The following EIF4G3 variants were observed in gnomAD, a reference collection of about 807,000 sequenced individuals.
The protein encoded by EIF4G3 is eukaryotic translation initiation factor 4 gamma 3, also known as eIF-4-gamma 3.
Under a neutral mutation model 186.4 loss-of-function variants are expected in EIF4G3, and 34 were observed. The observed-to-expected ratio is 0.18, with a 90% CI of 0.14 to 0.24. The LOEUF is 0.24. EIF4G3 is among the 10% of genes least tolerant of loss of function. The probability of loss-of-function intolerance (pLI) is 1.00; values close to 1 mark genes in which losing one functional copy is unlikely to be tolerated. For missense variants in EIF4G3, 1,536 were observed against 1,948.5 expected (o/e 0.79, Z 3.99); for synonymous variants, 673 against 679.5 (o/e 0.99, Z 0.15).
rs375448493 is a variant in EIF4G3 at position 21,042,113 on chromosome 1, A to G, written c.-67+8753T>C. Among the ~76,000 whole-genome samples the G allele has an allele frequency of 2.6e-5, 4 of 152,160 alleles. No individual in the cohort carries two copies. In the East Asian group the frequency reaches 5.8e-4, roughly 22 times the overall value. ...GGGATGCTCCCACTTTAGCCTCCCA[A>G]TCAGGTGAGACGAGAGGCCCACGCC... On this transcript the variant is annotated intron_variant, in intron 4 of 36. Transcript: ENST00000602326.
intron 9 of EIF4G3, 109 bp downstream of exon 9, chr1:20,980,939 A>T: frequency 1.2e-6 from 1 of 849,870 alleles, no homozygotes; most frequent in Non-Finnish European, 1.7e-6. Flanking sequence ...AACAGTTCAC[A>T]CGTCACCGAA....
intron 3 of EIF4G3, among the ~76,000 whole-genome samples, chr1:21,053,274 C>T (rs1409776343): frequency 1.3e-5 from 2 of 151,310 alleles, no homozygotes; most frequent in Non-Finnish European, 3.0e-5. Flanking sequence ...GCAACCGCCC[C>T]GTCTGAGAAG....
intron 2 of EIF4G3, among the ~76,000 whole-genome samples, chr1:21,162,481 TCA>T (rs1419714922): frequency 6.8e-6 from 1 of 147,078 alleles, no homozygotes; most frequent in Non-Finnish European, 1.5e-5. Flanking sequence ...ACACAGTGGC[TCA>T]CACCTGTAAT....
At chr1:21,055,627 AAAATTATTT>A (rs776347241) in intron 3 of EIF4G3, among the ~76,000 whole-genome samples, 3 of 152,110 alleles carry the variant, frequency 2.0e-5, no homozygotes, top group Admixed American at 6.6e-5. Flanking sequence ...CCATCACCCC[AAAATTATTT>A]CACTTTAGAG....
intron 36 of EIF4G3, among the ~76,000 whole-genome samples, chr1:20,808,074 G>A (rs985915869): frequency 2.6e-5 from 4 of 151,764 alleles, no homozygotes; most frequent in Non-Finnish European, 5.9e-5. Flanking sequence ...AGTAGAGAAG[G>A]GATTTCACCA....
At chr1:21,060,125 A>AT (rs1254582982) in intron 3 of EIF4G3, among the ~76,000 whole-genome samples, 1 of 151,524 alleles carries the variant, frequency 6.6e-6, no homozygotes, top group African/African-American at 2.4e-5. Context: ...CTAATTTTTT[A>AT]TTTTTTGTAG....
intron 3 of EIF4G3, among the ~76,000 whole-genome samples, chr1:21,053,171 T>C (rs1434841099): frequency 6.7e-6 from 1 of 150,294 alleles, no homozygotes; most frequent in Non-Finnish European, 1.5e-5. Flanking sequence ...GTCTGAGATG[T>C]GGGGAGCACC....
At chr1:21,057,475 CAT>C (rs2094613707) in intron 3 of EIF4G3, among the ~76,000 whole-genome samples, 1 of 152,180 alleles carries the variant, frequency 6.6e-6, no homozygotes, top group South Asian at 2.1e-4. Flanking sequence ...TAGATGTACA[CAT>C]GTTTAGCAAC....
At chr1:21,167,102 T>C (rs1419509224) in intron 2 of EIF4G3, among the ~76,000 whole-genome samples, 3 of 152,164 alleles carry the variant, frequency 2.0e-5, no homozygotes. Flanking sequence ...GACCAAGTTC[T>C]ATTTCTTACA....
intron 4 of EIF4G3, among the ~76,000 whole-genome samples, chr1:21,026,794 A>G (rs760615827): frequency 6.6e-6 from 1 of 152,060 alleles, no homozygotes; most frequent in Non-Finnish European, 1.5e-5. Context: ...TACTAAAAAT[A>G]CAAAAATGAG....
intron 2 of EIF4G3, among the ~76,000 whole-genome samples, chr1:21,119,884 C>T (rs569159845): frequency 1.6e-4 from 24 of 151,940 alleles, no homozygotes; most frequent in African/African-American, 5.6e-4. Context: ...ACACATTTAT[C>T]GATTTAACGA....
In EIF4G3 at chr1:20,886,188, CTT is replaced by C; in HGVS notation, c.2424+11_2424+12del. 6.2e-7 allele frequency: 1 copy of C among 1,603,694 alleles called. No individual in the cohort carries two copies. The highest frequency in any genetic ancestry group is 8.5e-7 in the Non-Finnish European group (1 of 1,176,458). ...AATTTCAAAAGAATGTTAGGATATG[CTT>C]TTGTTCTCACCTGGGTTTTAATGTT... On this transcript the variant is annotated intron_variant, in intron 19 of 36. Coordinates refer to ENST00000602326, the MANE Select transcript of EIF4G3 (RefSeq NM_001391906.1).
At chr1:21,001,354 G>A (rs1257399914) in intron 5 of EIF4G3, 42 bp from the exon 6 acceptor site, 2 of 470,418 alleles carry the variant, frequency 4.3e-6, no homozygotes, top group Admixed American at 2.4e-5. Flanking sequence ...CTTCAGTCAG[G>A]TTCTGCGCCA....
chr1:21,151,094 CAAGCACT>C (rs2097541341), intron 2 of EIF4G3, among the ~76,000 whole-genome samples: 11 of 152,102 alleles, frequency 7.2e-5, no homozygotes, highest in Admixed American at 7.2e-4. Flanking sequence ...AACCAAGCAC[CAAGCACT>C]TTTTCCTAAT....
chr1:20,893,503 G>A lies in EIF4G3; in HGVS notation c.2253+14C>T. ...AGTGTCTAACTAAGTGAGTTGTAGG[G>A]AACTTGCACTTACAGGTACGCCTCT... On this transcript the variant is annotated intron_variant, in intron 18 of 36. Transcript: ENST00000602326. 1.3e-6 allele frequency: 2 copies of A among 1,587,798 alleles called. No individual in the cohort carries two copies. Among genetic ancestry groups the A allele is most frequent in the Non-Finnish European group, 1.7e-6 (2 of 1,160,704 alleles).
intron 2 of EIF4G3, among the ~76,000 whole-genome samples, chr1:21,153,562 G>A (rs943790986): frequency 2.0e-5 from 3 of 151,618 alleles, no homozygotes; most frequent in African/African-American, 7.3e-5. Flanking sequence ...GCTTTTTTTT[G>A]TTTGTTTGTT....
intron 14 of EIF4G3, among the ~76,000 whole-genome samples, chr1:20,934,654 A>G (rs2095458098): frequency 6.6e-6 from 1 of 152,130 alleles, no homozygotes; most frequent in South Asian, 2.1e-4. Context: ...GTGAATTTGT[A>G]GTTGCATTCA....
chr1:21,005,243 T>G (rs999675688), intron 4 of EIF4G3, among the ~76,000 whole-genome samples: 7 of 152,028 alleles, frequency 4.6e-5, no homozygotes, highest in African/African-American at 1.7e-4. Context: ...CTGAATATAG[T>G]TTTAAAAGAG....
chr1:21,035,343 C>G (rs1351651622), intron 4 of EIF4G3, among the ~76,000 whole-genome samples: 1 of 152,220 alleles, frequency 6.6e-6, no homozygotes, highest in Non-Finnish European at 1.5e-5. Flanking sequence ...AGTCCCACCC[C>G]TCCTGAGTTG....
Sources: allele counts gnomAD v4.1 joint callset (sites outside exome capture counted in the v4.1 genomes callset), GRCh38; gene constraint gnomAD v4.1.1; transcripts MANE v1.5; gene names NCBI Gene and HGNC (gene_info 2026-07-23, HGNC 2026-07-21).